CUL2: variants seen among roughly 807,000 people sequenced by gnomAD.
CUL2 encodes the protein cullin-2.
A neutral mutation model predicts 110.2 loss-of-function variants in CUL2; 22 were observed. The observed-to-expected ratio is 0.20, with a 90% confidence interval of 0.14 to 0.28. CUL2 has a LOEUF of 0.28. Among genes scored for constraint, CUL2 ranks in the 10% least tolerant of loss-of-function variants. CUL2 has a pLI of 1.00. For missense variants in CUL2, 631 were observed against 905.5 expected, an observed-to-expected ratio of 0.70 and a Z score of 3.89; for synonymous variants, 279 against 293.2, an observed-to-expected ratio of 0.95 and a Z score of 0.49.
chr10:35,070,922 T>C (rs1328380058), intron 2 of CUL2, among the ~76,000 whole-genome samples: 1 of 152,208 alleles, frequency 6.6e-6, no homozygotes, highest in Non-Finnish European at 1.5e-5. Flanking sequence ...TCTATTTCTA[T>C]TTTTATAATA....
chr10:35,123,323 C>G (rs1361847947), intron 1 of CUL2, among the ~76,000 whole-genome samples: 1 of 152,152 alleles, frequency 6.6e-6, no homozygotes, highest in African/African-American at 2.4e-5. Context: ...AAAGATAATT[C>G]ACAGTCTCCT....
chr10:35,024,939 T>A (rs1244838130), intron 17 of CUL2, among the ~76,000 whole-genome samples, 193 bp downstream of exon 17: 1 of 152,178 alleles, frequency 6.6e-6, no homozygotes, highest in Non-Finnish European at 1.5e-5. Context: ...GCAGCAAGAT[T>A]ATAAACAGTG....
chr10:35,116,323 C>T (rs1304465632), intron 1 of CUL2, among the ~76,000 whole-genome samples: 4 of 151,864 alleles, frequency 2.6e-5, no homozygotes, highest in East Asian at 1.9e-4. Flanking sequence ...CCAGCCTGGG[C>T]GACGGAGCCA....
Position 35,025,114 on chromosome 10 carries a change from T to A in CUL2, c.1684+18A>T, listed in dbSNP as rs183221853. ...CAGGTAAATTTCATTAAGCCAGATA[T>A]AATTAAATGCATTTTACCTGTACAC... On this transcript the variant is annotated intron_variant, in intron 17 of 20. Transcript: ENST00000374749. 2 of 1,480,394 alleles carry A rather than the reference T, an allele frequency of 1.4e-6. No homozygotes were observed. The highest frequency in any genetic ancestry group is 2.9e-5 in the African/African-American group (2 of 69,016). The allele number at this position is 1,480,394 out of a possible 1,614,324, so 91.7% of individuals were successfully genotyped here.
intron 18 of CUL2, among the ~76,000 whole-genome samples, chr10:35,014,293 T>A (rs985462816): frequency 6.6e-6 from 1 of 152,148 alleles, no homozygotes; most frequent in Non-Finnish European, 1.5e-5. Context: ...TGCTGTGACC[T>A]GGGGTGATGG....
intron 8 of CUL2, among the ~76,000 whole-genome samples, chr10:35,044,074 A>C (rs908275780): frequency 2.8e-5 from 4 of 142,536 alleles, no homozygotes; most frequent in East Asian, 2.1e-4. Flanking sequence ...AAAAAAAAAA[A>C]ACACCTCACG....
Position 35,013,778 on chromosome 10 carries a change from G to C in CUL2, c.1910C>G (p.Ser637Trp). ...GCTAAAGTTCATATTTAATGAAAACGAAGATTCTGCATCAATATCTTCCTA... is the reference window on the plus strand; with the variant it reads ...GCTAAAGTTCATATTTAATGAAAACCAAGATTCTGCATCAATATCTTCCTA... ...SEKEDIDAES[S>W]FSLNMNFSSK... The change falls in exon 19 of 21, where the codon TCG becomes TGG. Residue 637 changes from serine to tryptophan, a missense_variant. Ser to Trp is a radical substitution (Grantham distance 177). Transcript: ENST00000374749. The C allele has an allele frequency of 6.5e-7, 1 of 1,529,152 alleles. No individual in the cohort carries two copies. Among genetic ancestry groups the C allele is most frequent in the Non-Finnish European group, 8.9e-7 (1 of 1,126,616 alleles). 94.7% of individuals were successfully genotyped at this position (1,529,152 alleles called of 1,614,324 possible).
At chr10:35,049,286 C>T (rs1028139287) in intron 6 of CUL2, among the ~76,000 whole-genome samples, 11 of 152,048 alleles carry the variant, frequency 7.2e-5, no homozygotes, top group African/African-American at 2.7e-4. Flanking sequence ...AAGAGGTAGC[C>T]AACTAACTAG....
chr10:35,077,203 T>TGAC (rs1307154906), intron 1 of CUL2, among the ~76,000 whole-genome samples: 1 of 151,666 alleles, frequency 6.6e-6, no homozygotes, highest in Non-Finnish European at 1.5e-5. Context: ...ATCACATGGA[T>TGAC]GACCCTCAAA....
rs1328921412 is a variant in CUL2, at chr10:35,010,061, T to C, written c.*250A>G. ...AAAAAGCATGGTACCCAACCGAATT[T>C]CCACTTTTCAGCAATACTTCACTCA... On this transcript the variant is annotated 3_prime_UTR_variant, in exon 21 of 21. Coordinates refer to ENST00000374749, the MANE Select transcript of CUL2 (RefSeq NM_003591.4). 4 of 225,718 alleles carry C rather than the reference T, an allele frequency of 1.8e-5. No homozygotes were observed. The highest frequency in any genetic ancestry group is 3.4e-5 in the Non-Finnish European group (4 of 118,254). 14.0% of individuals were successfully genotyped at this position (225,718 alleles called of 1,614,324 possible).
intron 2 of CUL2, among the ~76,000 whole-genome samples, chr10:35,068,220 G>C (rs895578283): frequency 6.6e-6 from 1 of 151,508 alleles, no homozygotes; most frequent in Non-Finnish European, 1.5e-5. Context: ...CCAGGGGTTC[G>C]AGACCAGCTT....
rs143752297 is a variant in CUL2 at position 35,031,690 on chromosome 10, G to A, written c.1171-71C>T. The A allele has an allele frequency of 6.6e-7, 1 of 1,525,344 alleles. No homozygotes were observed. Among genetic ancestry groups the A allele is most frequent in the Non-Finnish European group, 9.0e-7 (1 of 1,111,956 alleles). 94.5% of individuals were successfully genotyped at this position (1,525,344 alleles called of 1,614,324 possible). A position where few individuals can be genotyped will look rare whatever the true frequency, so the allele number is the denominator to read the frequency against. The stretch of plus-strand genomic sequence containing the variant: ...TATATCACGCCTCAAAGGAGGCAAA[G>A]TGGTGATACAAGGTAAGATCAGCGG... On this transcript the variant is annotated intron_variant, in intron 12 of 20. Coordinates refer to ENST00000374749, the MANE Select transcript of CUL2 (RefSeq NM_003591.4). The surrounding 1 kb of genome is among the most constrained non-coding windows in gnomAD (Gnocchi z 4.4).
chr10:35,071,092 A>G, intron 2 of CUL2, 107 bp downstream of exon 2: 2 of 1,073,190 alleles, frequency 1.9e-6, no homozygotes, highest in Non-Finnish European at 2.7e-6. Flanking sequence ...ATAATATATT[A>G]GAAAATAGTT....
At chr10:35,107,348 C>T (rs2087472807) in intron 1 of CUL2, among the ~76,000 whole-genome samples, 1 of 152,052 alleles carries the variant, frequency 6.6e-6, no homozygotes, top group Non-Finnish European at 1.5e-5. Context: ...TGAAAGTAGG[C>T]TGAAGGTCAA....
At chr10:35,074,270 T>C (rs1192459064) in intron 1 of CUL2, 1 of 1,454,322 alleles carries the variant, frequency 6.9e-7, no homozygotes, top group Non-Finnish European at 9.3e-7. Context: ...AGCATTCAGT[T>C]TGGGCTCAAC....
chr10:35,074,846 A>G (rs118112561), intron 1 of CUL2, among the ~76,000 whole-genome samples: 155 of 152,276 alleles, frequency 1.0e-3, no homozygotes, highest in Non-Finnish European at 1.9e-3. Context: ...GTCCTATCAT[A>G]GGTATTACCT....
At chr10:35,090,582 C>G (rs1387546094), upstream of CUL2, 4 of 152,684 alleles carry the variant, frequency 2.6e-5, no homozygotes, top group Non-Finnish European at 4.4e-5. Flanking sequence ...TTGCCCAACA[C>G]ACACCCTCCG....
intron 1 of CUL2, among the ~76,000 whole-genome samples, chr10:35,072,450 C>G (rs924501176): frequency 1.3e-5 from 2 of 151,730 alleles, no homozygotes; most frequent in African/African-American, 4.8e-5. Flanking sequence ...CTCACTGCAA[C>G]CTTCACCTCC....
At chr10:35,085,779 A>C (rs1380934529) in intron 1 of CUL2, among the ~76,000 whole-genome samples, 1 of 152,106 alleles carries the variant, frequency 6.6e-6, no homozygotes, top group Non-Finnish European at 1.5e-5. Context: ...AGAATACACA[A>C]AGAACAGGCA....
Sources: gnomAD v4.1 joint callset for allele counts (sites outside exome capture counted in the v4.1 genomes callset) on GRCh38, gnomAD v4.1.1 for gene constraint, Gnocchi (gnomAD v3.1) non-coding constraint, MANE v1.5 for transcripts, NCBI Gene and HGNC (gene_info 2026-07-23, HGNC 2026-07-21) for gene names.